JMJD1C: variants seen among roughly 807,000 people sequenced by gnomAD.
JMJD1C encodes jumonji domain-containing protein 1C.
In JMJD1C, 31 loss-of-function variants were observed where a neutral mutation model predicts 245.3. The observed-to-expected ratio is 0.13, with a 90% CI of 0.09 to 0.17. JMJD1C has a LOEUF of 0.17. Ranked by LOEUF, JMJD1C falls within the 10% of genes least tolerant of loss-of-function variation. The pLI, the probability that JMJD1C is intolerant of heterozygous loss-of-function variation, is 1.00. For synonymous variants in JMJD1C, 1,057 were observed against 1,017.4 expected (o/e 1.04, Z -0.74); for missense variants, 2,691 against 3,000.2 (o/e 0.90, Z 2.41).
At chr10:63,233,011 C>T (rs1850206069) in intron 3 of JMJD1C, among the ~76,000 whole-genome samples, 1 of 152,126 alleles carries the variant, frequency 6.6e-6, no homozygotes, top group Non-Finnish European at 1.5e-5. Context: ...AAAAAGAAAA[C>T]TACAATGCTG....
intron 1 of JMJD1C, among the ~76,000 whole-genome samples, chr10:63,452,274 G>C (rs1489490231): frequency 1.3e-5 from 2 of 152,110 alleles, no homozygotes; most frequent in Non-Finnish European, 2.9e-5. Flanking sequence ...AATCAAAACT[G>C]GGTGAACAAC....
chr10:63,190,388 G>A (rs918948155), intron 17 of JMJD1C, among the ~76,000 whole-genome samples: 1 of 151,948 alleles, frequency 6.6e-6, no homozygotes, highest in African/African-American at 2.4e-5. Context: ...ATTTTTAGTA[G>A]AGACAAGGTT....
At chr10:63,291,421 C>G (rs901493840) in intron 2 of JMJD1C, among the ~76,000 whole-genome samples, 1 of 151,136 alleles carries the variant, frequency 6.6e-6, no homozygotes, top group African/African-American at 2.4e-5. Context: ...TCAAGACCAT[C>G]CTGGCCAACA....
intron 10 of JMJD1C, among the ~76,000 whole-genome samples, chr10:63,201,014 A>G (rs1287447173): frequency 6.6e-6 from 1 of 152,230 alleles, no homozygotes; most frequent in Non-Finnish European, 1.5e-5. Context: ...GTATATCAAT[A>G]ACTGAAAATA....
intron 1 of JMJD1C, among the ~76,000 whole-genome samples, chr10:63,420,601 G>T (rs576534134): frequency 7.3e-5 from 11 of 151,628 alleles, no homozygotes; most frequent in Middle Eastern, 6.8e-3. Flanking sequence ...GCTACATGGG[G>T]GGTGGGGGGC....
intron 3 of JMJD1C, among the ~76,000 whole-genome samples, chr10:63,260,808 G>A (rs1854619122): frequency 6.6e-6 from 1 of 151,930 alleles, no homozygotes; most frequent in South Asian, 2.1e-4. Flanking sequence ...GGCCAGGGTG[G>A]TCTCGAACTC....
chr10:63,391,378 C>T (rs1003557166), intron 1 of JMJD1C, among the ~76,000 whole-genome samples: 2 of 151,916 alleles, frequency 1.3e-5, no homozygotes, highest in Non-Finnish European at 2.9e-5. Flanking sequence ...GGCATGGTGG[C>T]GGGTGCCTGT....
chr10:63,206,066 A>T lies in JMJD1C; in HGVS notation c.5074+529T>A, dbSNP rs777165843. Among the ~76,000 whole-genome samples the T allele has an allele frequency of 4.6e-5, 7 of 152,200 alleles. No individual in the cohort carries two copies. The South Asian group carries it at 8.3e-4, about 18-fold the overall frequency. ...GCTATTTTATATAAGGGATGTGCAC[A>T]TCTGTGAATTTTGGTATCCGTGGGG... is the stretch of plus-strand genomic sequence containing the variant. On this transcript the variant is annotated intron_variant, in intron 10 of 25. Coordinates refer to ENST00000399262, the MANE Select transcript of JMJD1C (RefSeq NM_032776.3).
chr10:63,449,375 C>A (rs1951900073), intron 1 of JMJD1C, among the ~76,000 whole-genome samples: 1 of 152,016 alleles, frequency 6.6e-6, no homozygotes, highest in African/African-American at 2.4e-5. Flanking sequence ...TTTATTAAAA[C>A]TTTAGGCAAG....
chr10:63,214,184 A>G lies in JMJD1C; in HGVS notation c.1983T>C (p.Thr661=), dbSNP rs761946497. ...HSPDSVKSKA[T]YVNSQATGER... is the part of the protein sequence containing the mutation. ...CACCAGTAGCTTGGCTGTTCACATA[A>G]GTGGCCTTAGACTTTACAGAATCAG... Residue 661 remains threonine (T), a synonymous_variant, in exon 8 of 26, where the codon ACT becomes ACC. Transcript: ENST00000399262. The G allele has an allele frequency of 6.2e-7, 1 of 1,614,104 alleles. No homozygotes were observed. The highest frequency in any genetic ancestry group is 1.7e-5 in the Admixed American group (1 of 60,026).
At position 63,207,220 on chromosome 10, in the gene JMJD1C, T is replaced by C. The variant is rs1278701769; in HGVS notation, c.4449A>G (p.Lys1483=). The C allele has an allele frequency of 6.2e-7, 1 of 1,614,202 alleles. No individual in the cohort carries two copies. The highest frequency in any genetic ancestry group is 8.5e-7 in the Non-Finnish European group (1 of 1,180,042). Residue 1483 remains lysine, a synonymous_variant, in exon 10 of 26, where the codon AAA becomes AAG. Coordinates refer to ENST00000399262, the MANE Select transcript of JMJD1C (RefSeq NM_032776.3). ...FSGTTDFIHL[K]KHKAALAAAQ... ...CTGCAGCCAATGCTGCCTTGTGCTT[T>C]TTTAAATGGATAAAATCAGTTGTGC... is the stretch of plus-strand genomic sequence containing the variant.
intron 1 of JMJD1C, among the ~76,000 whole-genome samples, chr10:63,430,944 G>C (rs148052361): frequency 1.3e-5 from 2 of 152,052 alleles, no homozygotes; most frequent in South Asian, 2.1e-4. Flanking sequence ...CGATGAAGAC[G>C]AACTCCTGGG....
At chr10:63,454,632 T>TGTTGCCCAGGCTGGG (rs1952292975) in intron 1 of JMJD1C, among the ~76,000 whole-genome samples, 2 of 152,178 alleles carry the variant, frequency 1.3e-5, no homozygotes, top group African/African-American at 4.8e-5. Flanking sequence ...GGTTTCACCA[T>TGTTGCCCAGGCTGGG]GTTGCCCAGG....
At chr10:63,366,440 A>G (rs925254755) in intron 2 of JMJD1C, among the ~76,000 whole-genome samples, 4 of 152,200 alleles carry the variant, frequency 2.6e-5, no homozygotes, top group African/African-American at 7.2e-5. Flanking sequence ...GTAACAAACT[A>G]TAGCCATGAA....
At chr10:63,276,588 G>A (rs1256803013) in intron 2 of JMJD1C, among the ~76,000 whole-genome samples, 1 of 152,148 alleles carries the variant, frequency 6.6e-6, no homozygotes, top group African/African-American at 2.4e-5. Context: ...AGGAGGCTGA[G>A]GCAGGCATGG....
At chr10:63,310,570 A>AC (rs1444105522) in intron 2 of JMJD1C, among the ~76,000 whole-genome samples, 2 of 152,196 alleles carry the variant, frequency 1.3e-5, no homozygotes, top group African/African-American at 2.4e-5. Flanking sequence ...GTAATACACT[A>AC]CATGGGAAAA....
intron 3 of JMJD1C, among the ~76,000 whole-genome samples, chr10:63,228,199 G>C (rs906734132): frequency 3.3e-5 from 5 of 152,102 alleles, no homozygotes; most frequent in Non-Finnish European, 4.4e-5. Context: ...TGTTACAGCA[G>C]AAAAGTAGCT....
At chr10:63,377,024 T>G (rs1265443069) in intron 2 of JMJD1C, among the ~76,000 whole-genome samples, 1 of 152,218 alleles carries the variant, frequency 6.6e-6, no homozygotes, top group Non-Finnish European at 1.5e-5. Context: ...GTGACACAAC[T>G]GTCCATTAAT....
chr10:63,214,083 G>C lies in JMJD1C; in HGVS notation c.2084C>G (p.Thr695Arg). 6.2e-7 allele frequency: 1 copy of C among 1,614,078 alleles called. No individual in the cohort carries two copies. Among genetic ancestry groups the C allele is most frequent in the Non-Finnish European group, 8.5e-7 (1 of 1,179,904 alleles). The stretch of plus-strand genomic sequence containing the variant: ...AAGAGGACTCTTTGTAGTTTCTAAT[G>C]TACTGCTTCGAGTAGGAATTGGATG... ...SFHPIPTRSSTLETTKSPLII... is the reference protein window; with the variant it reads ...SFHPIPTRSSRLETTKSPLII... The change falls in exon 8 of 26, where the codon ACA becomes AGA. Residue 695 changes from threonine (T) to arginine (R), a missense_variant. Physicochemically the swap from Thr to Arg is moderately conservative, Grantham distance 71 (BLOSUM62 -1). Around this residue, in one of 9 missense-constraint regions of JMJD1C, gnomAD observed 1,562 missense variants for 1,490.7 expected, o/e 1.05. Transcript: ENST00000399262.
Sources: gnomAD v4.1 joint callset for allele counts (sites outside exome capture counted in the v4.1 genomes callset) on GRCh38, gnomAD v4.1.1 for gene constraint, gnomAD v4.1.1 regional missense constraint, MANE v1.5 for transcripts, NCBI Gene and HGNC (gene_info 2026-07-23, HGNC 2026-07-21) for gene names.